Variants in SGCZ observed in about 807,000 individuals in gnomAD.
SGCZ encodes zeta-sarcoglycan.
Under a neutral mutation model 41.3 loss-of-function variants are expected in SGCZ, and 40 were observed. That is an observed-to-expected ratio of 0.97 (90% CI 0.75 to 1.26). SGCZ has a LOEUF of 1.26. Ranked by LOEUF, SGCZ falls within the 50% of genes most tolerant of loss-of-function variation. The probability of loss-of-function intolerance (pLI) is 0.00; values close to 1 mark genes in which losing one functional copy is unlikely to be tolerated. For missense variants in SGCZ, 552 were observed against 369.8 expected (o/e 1.49, Z -4.04); for synonymous variants, 206 against 137.5 (o/e 1.50, Z -3.49).
chr8:14,967,359 C>G (rs148535236), intron 1 of SGCZ, among the ~76,000 whole-genome samples: 9 of 152,176 alleles, frequency 5.9e-5, no homozygotes, highest in African/African-American at 2.2e-4. Context: ...GGTGCACACA[C>G]AGATTCTTAC....
rs550843437 is a variant in SGCZ at position 14,456,227 on chromosome 8, A to G, written c.234+98505T>C. ...AGTTTGAGACCATCCTGACCAACATAGTGAAACCCTGTCTCTACTAAATAT... is the reference window on the plus strand; with the variant it reads ...AGTTTGAGACCATCCTGACCAACATGGTGAAACCCTGTCTCTACTAAATAT... On this transcript the variant is annotated intron_variant, in intron 2 of 7. Transcript: ENST00000382080. Among the ~76,000 whole-genome samples the G allele has an allele frequency of 3.3e-4, 50 of 152,124 alleles. 1 individual carries two copies. Among genetic ancestry groups the G allele is most frequent in the African/African-American group, 1.2e-3 (48 of 41,504 alleles).
chr8:15,110,775 C>G (rs1807018175), intron 1 of SGCZ, among the ~76,000 whole-genome samples: 1 of 152,068 alleles, frequency 6.6e-6, no homozygotes. Context: ...TCGAGACCAG[C>G]CTGACCAACA....
chr8:14,244,357 G>T (rs1279134631), intron 3 of SGCZ, among the ~76,000 whole-genome samples: 1 of 151,950 alleles, frequency 6.6e-6, no homozygotes, highest in African/African-American at 2.4e-5. Context: ...ATTATTTAAT[G>T]GTTATTCATC....
chr8:14,319,302 G>A (rs7835681), intron 3 of SGCZ, among the ~76,000 whole-genome samples: 59 of 152,032 alleles, frequency 3.9e-4, no homozygotes, highest in East Asian at 1.7e-3. Context: ...GATTTCTTCC[G>A]GCAATATTCA....
intron 4 of SGCZ, among the ~76,000 whole-genome samples, chr8:14,235,875 G>C (rs935728378): frequency 3.3e-5 from 5 of 152,038 alleles, no homozygotes; most frequent in Non-Finnish European, 5.9e-5. Flanking sequence ...AGTAGAGATG[G>C]GGTTTCACCA....
chr8:14,812,133 G>T (rs373254518), intron 1 of SGCZ, among the ~76,000 whole-genome samples: 1 of 151,628 alleles, frequency 6.6e-6, no homozygotes, highest in Non-Finnish European at 1.5e-5. Flanking sequence ...ACATTTTAAA[G>T]ATATTTTAAA....
chr8:14,708,238 A>G (rs781480569), intron 1 of SGCZ, among the ~76,000 whole-genome samples: 1 of 152,012 alleles, frequency 6.6e-6, no homozygotes, highest in Non-Finnish European at 1.5e-5. Context: ...ATTTTGCAAC[A>G]TATTAGTACA....
intron 1 of SGCZ, among the ~76,000 whole-genome samples, chr8:14,793,614 C>T (rs1801030660): frequency 6.6e-6 from 1 of 151,994 alleles, no homozygotes; most frequent in African/African-American, 2.4e-5. Flanking sequence ...GCAAATTCCT[C>T]AAAATGTCTG....
intron 1 of SGCZ, among the ~76,000 whole-genome samples, chr8:14,790,187 T>C (rs906424521): frequency 6.6e-5 from 10 of 152,160 alleles, no homozygotes; most frequent in Admixed American, 5.9e-4. Context: ...GCTTTCAAAG[T>C]GGTTTCAAGT....
intron 1 of SGCZ, among the ~76,000 whole-genome samples, chr8:14,680,964 G>GAAAA (rs71209075): frequency 8.5e-6 from 1 of 117,900 alleles, no homozygotes; most frequent in Non-Finnish European, 1.7e-5. Context: ...AAAAGAGTGG[G>GAAAA]AAAAAAAAAA....
At chr8:14,440,920 G>T (rs1800242333) in intron 2 of SGCZ, among the ~76,000 whole-genome samples, 1 of 151,842 alleles carries the variant, frequency 6.6e-6, no homozygotes, top group Admixed American at 6.6e-5. Flanking sequence ...AATTTCATTA[G>T]ATCTCCTGTT....
At chr8:14,367,509 G>C (rs189836213) in intron 2 of SGCZ, among the ~76,000 whole-genome samples, 24 of 152,090 alleles carry the variant, frequency 1.6e-4, no homozygotes, top group Admixed American at 4.6e-4. Context: ...CCAAAACTAG[G>C]CATGTTATAA....
chr8:14,368,752 G>C (rs984494261), intron 2 of SGCZ, among the ~76,000 whole-genome samples: 1 of 151,980 alleles, frequency 6.6e-6, no homozygotes, highest in Non-Finnish European at 1.5e-5. Flanking sequence ...TGAGCACTGT[G>C]TTGGCTGCTA....
At chr8:14,353,795 T>A (rs1803186293) in intron 2 of SGCZ, among the ~76,000 whole-genome samples, 1 of 152,052 alleles carries the variant, frequency 6.6e-6, no homozygotes, top group African/African-American at 2.4e-5. Flanking sequence ...TTTAAAATGT[T>A]CTCCTAGAGA....
chr8:14,702,924 G>GATA (rs1809209352), intron 1 of SGCZ, among the ~76,000 whole-genome samples: 3 of 128,014 alleles, frequency 2.3e-5, no homozygotes, highest in African/African-American at 8.5e-5. Context: ...TAGTTAGGTA[G>GATA]GTAGATAGAT....
intron 1 of SGCZ, among the ~76,000 whole-genome samples, chr8:14,867,425 A>G (rs372070173): frequency 1.3e-5 from 2 of 152,238 alleles, no homozygotes; most frequent in Admixed American, 6.5e-5. Flanking sequence ...ACATGCATGT[A>G]TCTTTATAAT....
intron 2 of SGCZ, among the ~76,000 whole-genome samples, chr8:14,489,145 CT>C (rs1379678527): frequency 6.6e-6 from 1 of 151,754 alleles, no homozygotes; most frequent in African/African-American, 2.4e-5. Context: ...TGCATGTCAC[CT>C]TTTACTTAAG....
intron 1 of SGCZ, among the ~76,000 whole-genome samples, chr8:14,903,530 G>C (rs756669930): frequency 6.6e-6 from 1 of 151,924 alleles, no homozygotes; most frequent in Non-Finnish European, 1.5e-5. Flanking sequence ...ATTTATTGAA[G>C]AATAAATAAG....
At chr8:14,769,321 A>G (rs1380675559) in intron 1 of SGCZ, among the ~76,000 whole-genome samples, 1 of 152,230 alleles carries the variant, frequency 6.6e-6, no homozygotes, top group Non-Finnish European at 1.5e-5. Context: ...CTGCAAATAA[A>G]CAATTTATTA....
Sources: gnomAD v4.1 joint callset for allele counts (sites outside exome capture counted in the v4.1 genomes callset) on GRCh38, gnomAD v4.1.1 for gene constraint, MANE v1.5 for transcripts, NCBI Gene and HGNC (gene_info 2026-07-23, HGNC 2026-07-21) for gene names.